The following ST6GALNAC3 variants were observed in gnomAD, a reference collection of about 807,000 sequenced individuals.
ST6GALNAC3 encodes the protein ST6 N-acetylgalactosaminide alpha-2,6-sialyltransferase 3.
ST6GALNAC3 carries 25 observed loss-of-function variants against 32.7 expected under a neutral mutation model. The ratio of observed to expected loss-of-function variants is 0.76; its 90% CI spans 0.56 to 1.07. The LOEUF (loss-of-function observed/expected upper bound fraction) is 1.07. ST6GALNAC3 is among the 50% of genes least tolerant of loss of function. The pLI, the probability that ST6GALNAC3 is intolerant of heterozygous loss-of-function variation, is 0.00. For synonymous variants in ST6GALNAC3, 129 were observed against 133.1 expected (o/e 0.97, Z 0.21); for missense variants, 355 against 382.4 (o/e 0.93, Z 0.60).
chr1:76,112,361 G>T (rs1368590958), intron 1 of ST6GALNAC3, among the ~76,000 whole-genome samples: 1 of 145,892 alleles, frequency 6.9e-6, no homozygotes, highest in Non-Finnish European at 1.5e-5. Flanking sequence ...GCGGCTGGCC[G>T]GGCGGGGGGC....
At chr1:76,158,133 G>A (rs375778387) in intron 1 of ST6GALNAC3, among the ~76,000 whole-genome samples, 11 of 152,308 alleles carry the variant, frequency 7.2e-5, no homozygotes, top group South Asian at 2.1e-4. Flanking sequence ...CATTACCTTC[G>A]GAGGCCATCT....
intron 1 of ST6GALNAC3, among the ~76,000 whole-genome samples, chr1:76,266,582 C>T (rs529729504): frequency 3.9e-4 from 59 of 152,286 alleles, no homozygotes; most frequent in African/African-American, 1.4e-3. Flanking sequence ...GAGGATGGAA[C>T]TTGATCTCTA....
intron 1 of ST6GALNAC3, among the ~76,000 whole-genome samples, chr1:76,228,920 G>A (rs907613676): frequency 1.3e-5 from 2 of 152,146 alleles, no homozygotes; most frequent in Non-Finnish European, 2.9e-5. Flanking sequence ...GGTGATTAAC[G>A]TTGATAGATA....
At chr1:76,253,709 A>G (rs1657753238) in intron 1 of ST6GALNAC3, among the ~76,000 whole-genome samples, 3 of 152,182 alleles carry the variant, frequency 2.0e-5, no homozygotes, top group Admixed American at 2.0e-4. Context: ...TAGTTATAAA[A>G]TTGGCTTAAA....
At chr1:76,529,937 G>A (rs957853031) in intron 3 of ST6GALNAC3, among the ~76,000 whole-genome samples, 1 of 152,148 alleles carries the variant, frequency 6.6e-6, no homozygotes, top group Non-Finnish European at 1.5e-5. Flanking sequence ...TGCAGTGATT[G>A]CTCCTTAAAT....
At chr1:76,226,881 G>T in intron 1 of ST6GALNAC3, among the ~76,000 whole-genome samples, 1 of 152,158 alleles carries the variant, frequency 6.6e-6, no homozygotes, top group South Asian at 2.1e-4. Context: ...ATGAGATTTA[G>T]GTGGGGACAC....
Position 76,303,823 on chromosome 1 carries a change from A to G in ST6GALNAC3, c.19-9982A>G, listed in dbSNP as rs1283912412. ...ATCACCATTCAGATTTACAAGTTCTATCAGGAACTTCAAAGCAATTTCCTA... is the reference window on the plus strand; with the variant it reads ...ATCACCATTCAGATTTACAAGTTCTGTCAGGAACTTCAAAGCAATTTCCTA... On this transcript the variant is annotated intron_variant, in intron 1 of 4. Coordinates refer to ENST00000328299, the MANE Select transcript of ST6GALNAC3 (RefSeq NM_152996.4). Among the ~76,000 whole-genome samples the G allele has an allele frequency of 2.0e-5, 3 of 152,098 alleles. No individual in the cohort carries two copies. The East Asian group carries it at 5.8e-4, about 29-fold the overall frequency.
At chr1:76,440,080 T>C (rs1656434012) in intron 3 of ST6GALNAC3, among the ~76,000 whole-genome samples, 1 of 152,194 alleles carries the variant, frequency 6.6e-6, no homozygotes, top group Non-Finnish European at 1.5e-5. Flanking sequence ...AATATAATTA[T>C]ATTTCGTTTT....
At chr1:76,358,707 G>A (rs1318083292) in intron 2 of ST6GALNAC3, among the ~76,000 whole-genome samples, 2 of 152,028 alleles carry the variant, frequency 1.3e-5, no homozygotes, top group Non-Finnish European at 2.9e-5. Context: ...GAGTCTCCGG[G>A]ATTCTTCTGT....
chr1:76,429,152 T>C lies in ST6GALNAC3; in HGVS notation c.623+16735T>C, dbSNP rs566654044. Among the ~76,000 whole-genome samples, 9 of 152,302 alleles carry C rather than the reference T, an allele frequency of 5.9e-5. No individual in the cohort carries two copies. In the South Asian group the frequency reaches 6.2e-4, roughly 11 times the overall value. ...ATGTACTTGACTCATCTGTGTTTTG[T>C]TTTTAACAATAGAATTGTTATACTG... is the stretch of plus-strand genomic sequence containing the variant. On this transcript the variant is annotated intron_variant, in intron 3 of 4. Transcript: ENST00000328299.
intron 1 of ST6GALNAC3, among the ~76,000 whole-genome samples, chr1:76,115,948 T>C (rs1475589238): frequency 6.6e-6 from 1 of 152,242 alleles, no homozygotes; most frequent in African/African-American, 2.4e-5. Context: ...CAGGGCACTG[T>C]ACTAGGTACT....
At chr1:76,410,949 A>G (rs1288296020) in intron 2 of ST6GALNAC3, among the ~76,000 whole-genome samples, 1 of 152,202 alleles carries the variant, frequency 6.6e-6, no homozygotes, top group East Asian at 1.9e-4. Context: ...ACATAAAACA[A>G]GGATAGTACC....
intron 1 of ST6GALNAC3, among the ~76,000 whole-genome samples, chr1:76,198,903 C>T (rs17098322): frequency 6.6e-6 from 1 of 151,972 alleles, no homozygotes; most frequent in East Asian, 1.9e-4. Flanking sequence ...AAGAAAGGCT[C>T]CACTGAATGG....
intron 1 of ST6GALNAC3, among the ~76,000 whole-genome samples, chr1:76,138,511 C>A (rs181473454): frequency 9.1e-4 from 139 of 152,238 alleles, no homozygotes; most frequent in African/African-American, 3.2e-3. Flanking sequence ...AGAACCTGAC[C>A]CATGGACCCT....
At chr1:76,579,437 C>T (rs1646860108) in intron 3 of ST6GALNAC3, among the ~76,000 whole-genome samples, 2 of 151,830 alleles carry the variant, frequency 1.3e-5, no homozygotes, top group African/African-American at 4.8e-5. Flanking sequence ...GAGTAGAATA[C>T]CAATCCCACA....
rs76194054 is a variant in ST6GALNAC3 at position 76,493,436 on chromosome 1, C to G, written c.623+81019C>G. On this transcript the variant is annotated intron_variant, in intron 3 of 4. Coordinates refer to ENST00000328299, the MANE Select transcript of ST6GALNAC3 (RefSeq NM_152996.4). ...AATAGCTACAGCTATAATACCTTCG[C>G]CTCTAGTCTCTTTTCTCAAGCCTAG... Among the ~76,000 whole-genome samples the G allele has an allele frequency of 8.4e-3, 1,286 of 152,292 alleles. 19 individuals are homozygous for G. The highest frequency in any genetic ancestry group is 0.029 in the African/African-American group (1,225 of 41,556).
chr1:76,090,033 T>C (rs1336316469), intron 1 of ST6GALNAC3, among the ~76,000 whole-genome samples: 3 of 152,174 alleles, frequency 2.0e-5, no homozygotes, highest in African/African-American at 7.2e-5. Flanking sequence ...TATATACACC[T>C]AGAAGTTAAG....
chr1:76,302,608 C>T (rs1660791498), intron 1 of ST6GALNAC3, among the ~76,000 whole-genome samples: 1 of 152,030 alleles, frequency 6.6e-6, no homozygotes, highest in Admixed American at 6.6e-5. Context: ...CTAACATTTA[C>T]TTAGCACTTT....
intron 1 of ST6GALNAC3, among the ~76,000 whole-genome samples, chr1:76,168,496 T>C (rs1019628114): frequency 6.6e-6 from 1 of 152,202 alleles, no homozygotes; most frequent in African/African-American, 2.4e-5. Flanking sequence ...TTTGATCTAA[T>C]GCTGAGTTCT....
Sources: gnomAD v4.1 joint callset for allele counts (sites outside exome capture counted in the v4.1 genomes callset) on GRCh38, gnomAD v4.1.1 for gene constraint, MANE v1.5 for transcripts, NCBI Gene and HGNC (gene_info 2026-07-23, HGNC 2026-07-21) for gene names.